The following TLE1 variants were observed in gnomAD, a reference collection of about 807,000 sequenced individuals.
TLE1 encodes TLE family member 1, transcriptional corepressor.
A neutral mutation model predicts 89.8 loss-of-function variants in TLE1; 21 were observed. The observed-to-expected ratio is 0.23, with a 90% confidence interval of 0.17 to 0.34. The LOEUF is 0.34. Ranked by LOEUF, TLE1 falls within the 10% of genes least tolerant of loss-of-function variation. The pLI is 1.00. For synonymous variants in TLE1, 447 were observed against 407.6 expected (o/e 1.10, Z -1.16); for missense variants, 795 against 1,031.2 (o/e 0.77, Z 3.14).
chr9:81,677,277 C>G (rs1347535910), intron 4 of TLE1, among the ~76,000 whole-genome samples: 1 of 150,166 alleles, frequency 6.7e-6, no homozygotes, highest in African/African-American at 2.5e-5. Context: ...TAAAAGTAAA[C>G]AACTCAGGCC....
At chr9:81,632,189 G>A (rs989282196) in intron 8 of TLE1, among the ~76,000 whole-genome samples, 1 of 151,998 alleles carries the variant, frequency 6.6e-6, no homozygotes, top group African/African-American at 2.4e-5. Context: ...TCTGTGTGTA[G>A]AATATTTTAT....
At chr9:81,685,576 A>T in intron 4 of TLE1, 100 bp downstream of exon 4, 2 of 1,220,824 alleles carry the variant, frequency 1.6e-6, no homozygotes, top group Non-Finnish European at 2.3e-6. Flanking sequence ...AATAGCATAC[A>T]AACCCCCACC....
Position 81,689,545 on chromosome 9 carries a change from A to G in TLE1, c.-1305T>C, listed in dbSNP as rs1236521799. Reference sequence around the variant, plus strand: ...CGCCCGCGCCTCTCGCGCCGCTTACATTAACACGCGGTTTCACACTCCGGA... The same window carrying G: ...CGCCCGCGCCTCTCGCGCCGCTTACGTTAACACGCGGTTTCACACTCCGGA... On this transcript the variant is annotated 5_prime_UTR_variant, in exon 1 of 20. It removes an upstream start codon present in the reference 5' UTR. Transcript: ENST00000376499. Among the ~76,000 whole-genome samples the G allele has an allele frequency of 6.6e-6, 1 of 151,810 alleles. No individual in the cohort carries two copies. The highest frequency in any genetic ancestry group is 1.5e-5 in the Non-Finnish European group (1 of 67,968).
rs772033823 is a variant in TLE1, at chr9:81,615,119, AAAG to A, written c.918+860_918+862del. ...AAAAAAAAAAAAAAAAAAAAAAAAAAAAGAAGAAGAAGAAGAAGGCAATGAACA... is the reference window on the plus strand; with the variant it reads ...AAAAAAAAAAAAAAAAAAAAAAAAAAAAGAAGAAGAAGAAGGCAATGAACA... On this transcript the variant is annotated intron_variant, in intron 11 of 19. Coordinates refer to ENST00000376499, the MANE Select transcript of TLE1 (RefSeq NM_005077.5). Among the ~76,000 whole-genome samples, 58 of 81,314 alleles carry A rather than the reference AAAG, an allele frequency of 7.1e-4. 3 individuals carry two copies. The highest frequency in any genetic ancestry group is 2.0e-3 in the African/African-American group (37 of 18,228). 53.3% of individuals were successfully genotyped at this position (81,314 alleles called of 152,430 possible). A position where few individuals can be genotyped will look rare whatever the true frequency, so the allele number is the denominator to read the frequency against.
intron 4 of TLE1, among the ~76,000 whole-genome samples, chr9:81,673,914 C>T (rs1221001372): frequency 1.3e-5 from 2 of 152,130 alleles, no homozygotes; most frequent in Non-Finnish European, 1.5e-5. Context: ...GCCTGGATGC[C>T]CTTTCTCCAT....
At chr9:81,655,400 C>T (rs747947023) in intron 4 of TLE1, among the ~76,000 whole-genome samples, 26 of 151,980 alleles carry the variant, frequency 1.7e-4, no homozygotes, top group Non-Finnish European at 2.6e-4. Flanking sequence ...AAAACCTTTG[C>T]TCCGCTCCAC....
intron 6 of TLE1, among the ~76,000 whole-genome samples, chr9:81,645,717 G>A (rs542817849): frequency 7.2e-5 from 11 of 152,056 alleles, no homozygotes; most frequent in Non-Finnish European, 1.0e-4. Flanking sequence ...TCCAGCCTGG[G>A]CAACAAGAGT....
chr9:81,626,771 A>T (rs1825955175), intron 8 of TLE1, among the ~76,000 whole-genome samples: 1 of 152,224 alleles, frequency 6.6e-6, no homozygotes, highest in Non-Finnish European at 1.5e-5. Context: ...GAGGCAGGAC[A>T]GGGTGCTAAA....
chr9:81,671,099 C>T (rs1024264537), intron 4 of TLE1, among the ~76,000 whole-genome samples: 1 of 152,078 alleles, frequency 6.6e-6, no homozygotes, highest in Admixed American at 6.5e-5. Flanking sequence ...ACCTGGGAGG[C>T]AATGACTGCG....
intron 4 of TLE1, among the ~76,000 whole-genome samples, chr9:81,684,392 A>C (rs76247426): frequency 8.6e-6 from 1 of 116,290 alleles, no homozygotes; most frequent in Admixed American, 1.1e-4. Context: ...TACATTATTA[A>C]TAAAAGGCCC....
intron 14 of TLE1, among the ~76,000 whole-genome samples, chr9:81,597,947 C>T (rs1024237236): frequency 2.0e-5 from 3 of 152,014 alleles, no homozygotes; most frequent in Non-Finnish European, 4.4e-5. Context: ...GTTCTGTGGT[C>T]AAAGGAAAAC....
intron 14 of TLE1, among the ~76,000 whole-genome samples, chr9:81,603,212 T>C (rs1281565679): frequency 6.6e-6 from 1 of 152,076 alleles, no homozygotes; most frequent in Non-Finnish European, 1.5e-5. Context: ...ATGGGATCAG[T>C]CCCCCATGCT....
At position 81,613,372 on chromosome 9, in the gene TLE1, T is replaced by C. The variant is rs1460578370; in HGVS notation, c.1063+5A>G. 1.9e-6 allele frequency: 3 copies of C among 1,613,316 alleles called. No individual in the cohort carries two copies. Among genetic ancestry groups the C allele is most frequent in the African/African-American group, 1.3e-5 (1 of 75,034 alleles). ...AACAAAGCACAACAAGAGGCGATGC[T>C]GTACCCGCTTGGTTAACGAGGGGGT... On this transcript the variant is annotated splice_donor_5th_base_variant and intron_variant, in intron 12 of 19. Coordinates refer to ENST00000376499, the MANE Select transcript of TLE1 (RefSeq NM_005077.5).
At position 81,591,187 on chromosome 9, in the gene TLE1, G is replaced by A. The variant is rs192249418; in HGVS notation, c.1582-135C>T. On this transcript the variant is annotated intron_variant, in intron 15 of 19. Transcript: ENST00000376499. Reference sequence around the variant, plus strand: ...ACTCTAACAGAGCAAGAGTTCTCTAGTCAAGATTGGGGTCCAAGTACAACT... The same window carrying A: ...ACTCTAACAGAGCAAGAGTTCTCTAATCAAGATTGGGGTCCAAGTACAACT... 3.3e-5 allele frequency: 40 copies of A among 1,216,136 alleles called. 1 individual carries two copies. The East Asian group carries it at 7.3e-4, about 22-fold the overall frequency. The allele number at this position is 1,216,136 out of a possible 1,614,324, so 75.3% of individuals were successfully genotyped here.
chr9:81,623,378 C>T (rs182445871), intron 8 of TLE1, among the ~76,000 whole-genome samples: 79 of 152,164 alleles, frequency 5.2e-4, no homozygotes, highest in East Asian at 1.5e-3. Context: ...TCCAAAATTT[C>T]GAATGCTATG....
At chr9:81,642,237 T>C (rs1247684498) in intron 6 of TLE1, among the ~76,000 whole-genome samples, 1 of 152,206 alleles carries the variant, frequency 6.6e-6, no homozygotes, top group Admixed American at 6.5e-5. Context: ...AAAGGTTAAT[T>C]ATCCCTTTTC....
intron 4 of TLE1, among the ~76,000 whole-genome samples, chr9:81,669,616 C>G (rs7021592): frequency 0.01 from 1,556 of 152,196 alleles, 34 homozygotes; most frequent in African/African-American, 0.031. Flanking sequence ...CCACCCTCCC[C>G]CCCCACACCA....
In TLE1 at chr9:81,620,838, G is replaced by A. The variant is rs554614763; in HGVS notation, c.595-281C>T. 10 of 1,008,712 alleles carry A rather than the reference G, an allele frequency of 9.9e-6. No homozygotes were observed. In the Admixed American group the frequency reaches 2.1e-4, roughly 21 times the overall value. The allele number at this position is 1,008,712 out of a possible 1,614,324, so 62.5% of individuals were successfully genotyped here. ...CCTATTTACTGTTTGAGAAATAGGAGCTTGCTGTGTTGTATGTGGATGTGT... is the reference window on the plus strand; with the variant it reads ...CCTATTTACTGTTTGAGAAATAGGAACTTGCTGTGTTGTATGTGGATGTGT... On this transcript the variant is annotated intron_variant, in intron 8 of 19. Coordinates refer to ENST00000376499, the MANE Select transcript of TLE1 (RefSeq NM_005077.5).
At chr9:81,586,086 C>T (rs568994501) in intron 17 of TLE1, among the ~76,000 whole-genome samples, 39 of 146,698 alleles carry the variant, frequency 2.7e-4, no homozygotes, top group Non-Finnish European at 5.5e-4. Context: ...GGCGTTATCT[C>T]GGCTCACTGC....
Sources: allele counts gnomAD v4.1 joint callset (sites outside exome capture counted in the v4.1 genomes callset), GRCh38; gene constraint gnomAD v4.1.1; transcripts MANE v1.5; gene names NCBI Gene and HGNC (gene_info 2026-07-23, HGNC 2026-07-21).